Variants in ZC3H12B observed in about 807,000 individuals in gnomAD.
ZC3H12B encodes the protein probable ribonuclease ZC3H12B.
In ZC3H12B, 7 loss-of-function variants were observed where a neutral mutation model predicts 43.9. That is an observed-to-expected ratio of 0.16 (90% CI 0.09 to 0.30). The LOEUF (loss-of-function observed/expected upper bound fraction) is 0.30, where lower values mean the gene tolerates loss of function less well. Among genes scored for constraint, ZC3H12B ranks in the 10% least tolerant of loss-of-function variants. The pLI is 1.00. For missense variants in ZC3H12B, 475 were observed against 670.2 expected (o/e 0.71, Z 3.22); for synonymous variants, 222 against 241.7 (o/e 0.92, Z 0.76).
the ZC3H12B span, among the ~76,000 whole-genome samples, chrX:65,116,704 A>G: frequency 3.7e-5 from 4 of 109,560 alleles, no homozygotes; most frequent in African/African-American, 1.3e-4. Flanking sequence ...TCCTAATGCT[A>G]TCCTTCCCCC....
the ZC3H12B span, among the ~76,000 whole-genome samples, chrX:65,088,631 T>C: frequency 8.9e-6 from 1 of 112,319 alleles, no homozygotes; most frequent in African/African-American, 3.2e-5. Context: ...GAATGATGTA[T>C]TGAACTCCTT....
At chrX:65,122,513 G>T in the ZC3H12B span, among the ~76,000 whole-genome samples, 1 of 111,163 alleles carries the variant, frequency 9.0e-6, no homozygotes, top group East Asian at 2.9e-4. Context: ...CTTAATGACA[G>T]GATCAAATTC....
chrX:65,421,303 T>A (rs965212576), intron 3 of ZC3H12B, among the ~76,000 whole-genome samples: 7 of 112,276 alleles, frequency 6.2e-5, no homozygotes, highest in Non-Finnish European at 1.1e-4. Flanking sequence ...GTCATGATGG[T>A]AGGAGTAGAG....
chrX:65,051,133 T>G, the ZC3H12B span, among the ~76,000 whole-genome samples: 1 of 111,888 alleles, frequency 8.9e-6, no homozygotes, highest in East Asian at 2.8e-4. Flanking sequence ...GGTTATTGAA[T>G]TTATGGACAA....
the ZC3H12B span, among the ~76,000 whole-genome samples, chrX:65,069,127 T>C: frequency 9.1e-6 from 1 of 109,430 alleles, no homozygotes; most frequent in Non-Finnish European, 1.9e-5. Context: ...TCAATCTGCT[T>C]GGTGTTGTAT....
chrX:65,176,651 C>G, the ZC3H12B span, among the ~76,000 whole-genome samples: 3 of 112,048 alleles, frequency 2.7e-5, no homozygotes, highest in Admixed American at 2.8e-4. Flanking sequence ...CTATAAACAC[C>G]TTTATGCACA....
chrX:65,296,343 G>A, the ZC3H12B span, among the ~76,000 whole-genome samples: 2 of 110,723 alleles, frequency 1.8e-5, no homozygotes. Flanking sequence ...TGGAATTTGG[G>A]GACTCGGGGA....
intron 3 of ZC3H12B, among the ~76,000 whole-genome samples, chrX:65,434,054 T>G (rs2067192976): frequency 8.9e-6 from 1 of 112,101 alleles, no homozygotes; most frequent in Non-Finnish European, 1.9e-5. Context: ...TTTTTCTGAC[T>G]CTGATATCCA....
the ZC3H12B span, among the ~76,000 whole-genome samples, chrX:65,340,451 C>T: frequency 8.9e-6 from 1 of 112,070 alleles, no homozygotes; most frequent in Non-Finnish European, 1.9e-5. Flanking sequence ...TAGGACCACC[C>T]ATCAGAGTGT....
At chrX:65,427,981 TC>T (rs749997860) in intron 3 of ZC3H12B, among the ~76,000 whole-genome samples, 72 of 111,901 alleles carry the variant, frequency 6.4e-4, no homozygotes, top group African/African-American at 2.0e-3. Flanking sequence ...CCCTCAGCAT[TC>T]TTTGTCTTAA....
intron 3 of ZC3H12B, among the ~76,000 whole-genome samples, chrX:65,472,998 G>GTATA (rs370502555): frequency 3.3e-4 from 26 of 77,775 alleles, no homozygotes; most frequent in Admixed American, 2.2e-3. Flanking sequence ...ATATATATAT[G>GTATA]TATATATATA....
chrX:65,451,018 C>T (rs1000122703), intron 3 of ZC3H12B, among the ~76,000 whole-genome samples: 2 of 107,047 alleles, frequency 1.9e-5, no homozygotes, highest in Non-Finnish European at 3.8e-5. Context: ...TGCGATCTCA[C>T]CTCACTGCAA....
At chrX:65,080,947 GAT>G in the ZC3H12B span, among the ~76,000 whole-genome samples, 1 of 108,400 alleles carries the variant, frequency 9.2e-6, no homozygotes, top group Admixed American at 9.9e-5. Context: ...AGTATAATAA[GAT>G]ATCAATAAAA....
chrX:65,206,127 C>T, the ZC3H12B span, among the ~76,000 whole-genome samples: 7 of 111,894 alleles, frequency 6.3e-5, no homozygotes, highest in Admixed American at 6.7e-4. Context: ...AAGCAAGATA[C>T]AACCATTATT....
At chrX:65,099,699 CCA>C in the ZC3H12B span, among the ~76,000 whole-genome samples, 1 of 110,729 alleles carries the variant, frequency 9.0e-6, no homozygotes, top group Non-Finnish European at 1.9e-5. Flanking sequence ...AAAGGACCCC[CCA>C]CACACACACA....
chrX:65,061,795 C>T, the ZC3H12B span, among the ~76,000 whole-genome samples: 1 of 112,197 alleles, frequency 8.9e-6, no homozygotes, highest in Non-Finnish European at 1.9e-5. Context: ...AGTGTAAAAG[C>T]ATTCTTATTT....
chrX:65,089,490 G>T, the ZC3H12B span, among the ~76,000 whole-genome samples: 1 of 111,992 alleles, frequency 8.9e-6, no homozygotes, highest in Non-Finnish European at 1.9e-5. Flanking sequence ...GTCAACGAGT[G>T]AGTGGTGAAT....
the ZC3H12B span, among the ~76,000 whole-genome samples, chrX:65,346,564 A>G: frequency 1.8e-5 from 2 of 112,581 alleles, no homozygotes; most frequent in Non-Finnish European, 3.8e-5. Context: ...CATTCTGTAC[A>G]AAAAATTTAT....
the ZC3H12B span, among the ~76,000 whole-genome samples, chrX:65,214,326 A>G: frequency 8.9e-6 from 1 of 111,979 alleles, no homozygotes; most frequent in East Asian, 2.8e-4. Flanking sequence ...ATAGCAGTTT[A>G]TCCACAGTCA....
Sources: allele counts gnomAD v4.1 joint callset (sites outside exome capture counted in the v4.1 genomes callset), GRCh38; gene constraint gnomAD v4.1.1; transcripts MANE v1.5; gene names NCBI Gene and HGNC (gene_info 2026-07-23, HGNC 2026-07-21).